The following JARID2 variants were observed in gnomAD, a reference collection of about 807,000 sequenced individuals.
The protein encoded by JARID2 is jumonji and AT-rich interaction domain containing 2.
A neutral mutation model predicts 125.6 loss-of-function variants in JARID2; 21 were observed. That is an observed-to-expected ratio of 0.17 (90% CI 0.12 to 0.24). The LOEUF (loss-of-function observed/expected upper bound fraction) is 0.24. Ranked by LOEUF, JARID2 falls within the 10% of genes least tolerant of loss-of-function variation. JARID2 has a pLI of 1.00. For synonymous variants in JARID2, 736 were observed against 661.6 expected (o/e 1.11, Z -1.73); for missense variants, 1,303 against 1,639.6 (o/e 0.79, Z 3.55).
intron 1 of JARID2, among the ~76,000 whole-genome samples, chr6:15,338,563 A>G (rs531285295): frequency 1.3e-5 from 2 of 152,308 alleles, no homozygotes; most frequent in Admixed American, 6.5e-5. Flanking sequence ...TGCCGACAAT[A>G]TAGGATTGAT....
At chr6:15,469,902 G>C (rs1768986821) in intron 5 of JARID2, among the ~76,000 whole-genome samples, 1 of 152,138 alleles carries the variant, frequency 6.6e-6, no homozygotes, top group Middle Eastern at 3.2e-3. Flanking sequence ...AAAGAGGCTG[G>C]GCGAGGTGGC....
intron 1 of JARID2, among the ~76,000 whole-genome samples, chr6:15,358,431 CT>C (rs1763679777): frequency 6.6e-6 from 1 of 152,142 alleles, no homozygotes; most frequent in African/African-American, 2.4e-5. Flanking sequence ...TACTAACACA[CT>C]GTTTTTGTGT....
At chr6:15,486,029 G>T (rs1054999666) in intron 5 of JARID2, among the ~76,000 whole-genome samples, 2 of 152,220 alleles carry the variant, frequency 1.3e-5, no homozygotes, top group African/African-American at 2.4e-5. Flanking sequence ...GGTGGGGATG[G>T]CCTGGAGCTG....
At chr6:15,456,358 A>C (rs1317966557) in intron 4 of JARID2, among the ~76,000 whole-genome samples, 1 of 152,224 alleles carries the variant, frequency 6.6e-6, no homozygotes, top group Non-Finnish European at 1.5e-5. Context: ...CTTCTTTTAG[A>C]TGTCAAATAC....
At chr6:15,249,391 G>A (rs1353017511) in intron 1 of JARID2, among the ~76,000 whole-genome samples, 1 of 152,120 alleles carries the variant, frequency 6.6e-6, no homozygotes, top group Non-Finnish European at 1.5e-5. Flanking sequence ...ATTTTGGGGG[G>A]CTGGACCAAA....
At chr6:15,307,372 G>A (rs765410437) in intron 1 of JARID2, among the ~76,000 whole-genome samples, 22 of 152,000 alleles carry the variant, frequency 1.4e-4, no homozygotes, top group Admixed American at 2.6e-4. Flanking sequence ...ACAGGCATAC[G>A]GCACCATTTT....
chr6:15,369,912 C>T (rs531034435), intron 1 of JARID2, among the ~76,000 whole-genome samples: 2 of 152,260 alleles, frequency 1.3e-5, no homozygotes, highest in South Asian at 4.1e-4. Flanking sequence ...GTAGCAGCCA[C>T]TGTGGAGGAA....
chr6:15,404,469 C>T (rs1053311167), intron 2 of JARID2, among the ~76,000 whole-genome samples: 1 of 151,310 alleles, frequency 6.6e-6, no homozygotes, highest in African/African-American at 2.4e-5. Flanking sequence ...AGAGAGGGCC[C>T]TACCTCAGCC....
intron 1 of JARID2, among the ~76,000 whole-genome samples, chr6:15,281,924 CTGTGTGTG>C (rs3138771): frequency 0.15 from 21,780 of 146,194 alleles, 1,706 homozygotes; most frequent in South Asian, 0.23. Flanking sequence ...GGTATGTGCT[CTGTGTGTG>C]TGTGTGTGTG....
In JARID2 at chr6:15,507,201, C is replaced by T. The variant is rs954385408; in HGVS notation, c.2607C>T (p.Asp869=). The T allele has an allele frequency of 6.2e-7, 1 of 1,613,958 alleles. No homozygotes were observed. The highest frequency in any genetic ancestry group is 8.5e-7 in the Non-Finnish European group (1 of 1,179,812). Residue 869 remains aspartate, a synonymous_variant, in exon 10 of 18, where the codon GAC becomes GAT. Transcript: ENST00000341776. ...CHVAVHCGKV[D]TNTHGSGFPV... ...TGGCAGTGCACTGCGGCAAGGTGGA[C>T]ACCAACACTCACGGCAGTGGATTCC... is the stretch of plus-strand genomic sequence containing the variant.
intron 2 of JARID2, among the ~76,000 whole-genome samples, chr6:15,387,214 G>A (rs1217984558): frequency 6.6e-6 from 1 of 152,256 alleles, no homozygotes; most frequent in Non-Finnish European, 1.5e-5. Context: ...TCTCCTTGTC[G>A]CCCTTGAGGA....
chr6:15,394,379 G>A lies in JARID2; in HGVS notation c.182-15845G>A, dbSNP rs76784050. ...ATAATCCCAGCACTTTGTGCGGCTGGGGTGCCTCGGGAGGATCGCTTCAGG... is the reference window on the plus strand; with the variant it reads ...ATAATCCCAGCACTTTGTGCGGCTGAGGTGCCTCGGGAGGATCGCTTCAGG... On this transcript the variant is annotated intron_variant, in intron 2 of 17. Transcript: ENST00000341776. 5.6e-3 allele frequency among the ~76,000 whole-genome samples: 848 copies of A among 152,218 alleles called. 4 individuals carry two copies. Among genetic ancestry groups the A allele is most frequent in the Non-Finnish European group, 8.5e-3 (576 of 67,996 alleles).
At position 15,517,206 on chromosome 6, in the gene JARID2, C is replaced by G; in HGVS notation, c.3496C>G (p.Leu1166Val). 1 of 1,614,148 alleles carries G rather than the reference C, an allele frequency of 6.2e-7. No homozygotes were observed. The highest frequency in any genetic ancestry group is 2.2e-5 in the East Asian group (1 of 44,874). Reference protein sequence around the residue: ...ENVVFCLECALRHVEKQKSCR... With the variant: ...ENVVFCLECAVRHVEKQKSCR... The stretch of plus-strand genomic sequence containing the variant: ...CGTCGTGTTCTGTCTGGAGTGTGCT[C>G]TGCGCCACGTGGAGAAACAGAAGTC... The change falls in exon 17 of 18, where the codon CTG becomes GTG. Residue 1166 changes from leucine to valine, a missense_variant. Around this residue, in one of 11 missense-constraint regions of JARID2, gnomAD observed 190 missense variants for 341.4 expected, o/e 0.56. Coordinates refer to ENST00000341776, the MANE Select transcript of JARID2 (RefSeq NM_004973.4).
At chr6:15,344,818 A>G (rs1416178910) in intron 1 of JARID2, among the ~76,000 whole-genome samples, 1 of 152,196 alleles carries the variant, frequency 6.6e-6, no homozygotes, top group East Asian at 1.9e-4. Flanking sequence ...TTTTATTAAT[A>G]GCTTATTCTG....
At chr6:15,353,368 CGTT>C (rs1456262012) in intron 1 of JARID2, among the ~76,000 whole-genome samples, 7 of 152,144 alleles carry the variant, frequency 4.6e-5, no homozygotes, top group Admixed American at 4.6e-4. Context: ...TAATTCATAT[CGTT>C]GTACCTATTC....
chr6:15,422,338 C>T (rs1418457154), intron 3 of JARID2, among the ~76,000 whole-genome samples: 1 of 152,198 alleles, frequency 6.6e-6, no homozygotes. Flanking sequence ...TGCATATTCA[C>T]CTTTCCCATG....
At chr6:15,302,965 C>T (rs1388156311) in intron 1 of JARID2, among the ~76,000 whole-genome samples, 1 of 152,088 alleles carries the variant, frequency 6.6e-6, no homozygotes, top group Non-Finnish European at 1.5e-5. Flanking sequence ...CTCAGGTGAT[C>T]CACCCACCTC....
intron 2 of JARID2, among the ~76,000 whole-genome samples, chr6:15,386,116 G>T (rs1308839925): frequency 1.3e-5 from 2 of 152,032 alleles, no homozygotes; most frequent in Non-Finnish European, 2.9e-5. Flanking sequence ...TAATATTTTT[G>T]GGGTTAATTT....
chr6:15,425,684 T>TC (rs1013758313), intron 3 of JARID2, among the ~76,000 whole-genome samples: 2 of 152,216 alleles, frequency 1.3e-5, no homozygotes, highest in Non-Finnish European at 2.9e-5. Flanking sequence ...CATATGCCTG[T>TC]CCATCAGTCT....
Sources: gnomAD v4.1 joint callset for allele counts (sites outside exome capture counted in the v4.1 genomes callset) on GRCh38, gnomAD v4.1.1 for gene constraint, gnomAD v4.1.1 regional missense constraint, MANE v1.5 for transcripts, NCBI Gene and HGNC (gene_info 2026-07-23, HGNC 2026-07-21) for gene names.